The following ACER3 variants were observed in gnomAD, a reference collection of about 807,000 sequenced individuals.
ACER3 encodes alkaline ceramidase 3, also known as alkCDase 3.
ACER3 carries 16 observed loss-of-function variants against 48.9 expected under a neutral mutation model. The observed-to-expected ratio is 0.33, with a 90% CI of 0.22 to 0.50. The LOEUF (loss-of-function observed/expected upper bound fraction) is 0.50, where lower values mean the gene tolerates loss of function less well. ACER3 is among the 20% of genes least tolerant of loss of function. The probability of loss-of-function intolerance (pLI) is 0.98; values close to 1 mark genes in which losing one functional copy is unlikely to be tolerated. For missense variants in ACER3, 227 were observed against 326.0 expected (o/e 0.70, Z 2.34); for synonymous variants, 109 against 107.8 (o/e 1.01, Z -0.07).
At chr11:76,913,960 A>G (rs1036785448) in intron 1 of ACER3, among the ~76,000 whole-genome samples, 23 of 152,316 alleles carry the variant, frequency 1.5e-4, no homozygotes, top group Admixed American at 3.9e-4. Context: ...AGGATTCCCT[A>G]TTTAATAAAT....
intron 3 of ACER3, among the ~76,000 whole-genome samples, chr11:76,973,386 G>C (rs1419204376): frequency 6.6e-6 from 1 of 152,182 alleles, no homozygotes; most frequent in African/African-American, 2.4e-5. Context: ...GCAGTAGCCT[G>C]GTGAGCCTGA....
chr11:76,867,013 G>A (rs552746564), intron 1 of ACER3, among the ~76,000 whole-genome samples: 1 of 152,234 alleles, frequency 6.6e-6, no homozygotes, highest in South Asian at 2.1e-4. Context: ...TCTACCTCTT[G>A]GCTATTGTGA....
intron 2 of ACER3, among the ~76,000 whole-genome samples, chr11:76,944,951 GTCT>G (rs1051104364): frequency 1.3e-5 from 2 of 150,430 alleles, no homozygotes; most frequent in Non-Finnish European, 3.0e-5. Flanking sequence ...CAAAAGACCT[GTCT>G]TCAAGTTCTG....
In ACER3 at chr11:77,020,589, CA is replaced by C. The variant is rs201853621; in HGVS notation, c.*265del. Reference sequence around the variant, plus strand: ...ACAGAGATGATGTGTGTGTATGCCTCAAATGCAGAAACAGTTGGGCTTTTCT... The same window carrying C: ...ACAGAGATGATGTGTGTGTATGCCTCAATGCAGAAACAGTTGGGCTTTTCT... On this transcript the variant is annotated 3_prime_UTR_variant, in exon 11 of 11. Coordinates refer to ENST00000532485, the MANE Select transcript of ACER3 (RefSeq NM_018367.7). The C allele has an allele frequency of 0.029, 11,663 of 395,644 alleles. 229 individuals carry two copies. The highest frequency in any genetic ancestry group is 0.045 in the South Asian group (1,121 of 25,074). The allele number at this position is 395,644 out of a possible 1,614,324, so 24.5% of individuals were successfully genotyped here.
chr11:76,868,383 C>CTGTGTGTGTGTG (rs1336087249), intron 1 of ACER3: 66 of 526,240 alleles, frequency 1.3e-4, no homozygotes, highest in Admixed American at 4.2e-4. Flanking sequence ...ATATCTCTCT[C>CTGTGTGTGTGTG]TCTCTCTCTG....
intron 3 of ACER3, among the ~76,000 whole-genome samples, chr11:76,963,005 T>A (rs1948036802): frequency 6.6e-6 from 1 of 151,440 alleles, no homozygotes; most frequent in Non-Finnish European, 1.5e-5. Context: ...TAGAGCAGCT[T>A]GGAGAAAAAC....
chr11:76,968,202 A>T (rs1336035541), intron 3 of ACER3, among the ~76,000 whole-genome samples: 1 of 151,192 alleles, frequency 6.6e-6, no homozygotes, highest in African/African-American at 2.4e-5. Context: ...ATTGCTTCAA[A>T]GAGAATAAAA....
intron 1 of ACER3, among the ~76,000 whole-genome samples, chr11:76,923,093 C>T (rs1946728381): frequency 6.6e-6 from 1 of 151,712 alleles, no homozygotes; most frequent in African/African-American, 2.4e-5. Flanking sequence ...AGGCAATGTT[C>T]TTTCCCAACC....
chr11:76,884,703 T>C (rs1945628910), intron 1 of ACER3, among the ~76,000 whole-genome samples: 1 of 152,202 alleles, frequency 6.6e-6, no homozygotes, highest in African/African-American at 2.4e-5. Context: ...TGTAATTTAG[T>C]GCAAATATGT....
At chr11:76,918,333 A>G (rs1203305753) in intron 1 of ACER3, among the ~76,000 whole-genome samples, 1 of 151,720 alleles carries the variant, frequency 6.6e-6, no homozygotes, top group Non-Finnish European at 1.5e-5. Context: ...ATATGCATTT[A>G]TATGATGGTT....
intron 1 of ACER3, among the ~76,000 whole-genome samples, chr11:76,900,243 C>T (rs777848407): frequency 4.9e-4 from 74 of 152,138 alleles, no homozygotes; most frequent in Non-Finnish European, 1.0e-3. Context: ...TCATCCTCAT[C>T]ATTTCACATT....
At chr11:76,894,707 G>A (rs561165269) in intron 1 of ACER3, among the ~76,000 whole-genome samples, 65 of 152,322 alleles carry the variant, frequency 4.3e-4, no homozygotes, top group Admixed American at 4.0e-3. Flanking sequence ...TCATGAAAGT[G>A]TATGGAAAAT....
intron 2 of ACER3, among the ~76,000 whole-genome samples, chr11:76,940,961 G>A (rs983534933): frequency 6.6e-6 from 1 of 151,184 alleles, no homozygotes; most frequent in African/African-American, 2.4e-5. Context: ...TTATATTCTT[G>A]TTTGAATTTT....
At chr11:76,930,620 T>C (rs1946971315) in intron 2 of ACER3, among the ~76,000 whole-genome samples, 1 of 152,070 alleles carries the variant, frequency 6.6e-6, no homozygotes, top group Admixed American at 6.5e-5. Flanking sequence ...TACATTTCCC[T>C]CTACACACTA....
rs138936974 is a variant in ACER3 at position 76,974,392 on chromosome 11, T to C, written c.268-1897T>C. 4.6e-3 allele frequency among the ~76,000 whole-genome samples: 702 copies of C among 152,300 alleles called. 4 individuals carry two copies. Among genetic ancestry groups the C allele is most frequent in the Non-Finnish European group, 7.9e-3 (538 of 68,022 alleles). On this transcript the variant is annotated intron_variant, in intron 3 of 10. Transcript: ENST00000532485. ...ATTGTTTCTGGATAAAGATCAGTCT[T>C]AGTACTAAGGTAAGAGCCAACAGTG...
At chr11:76,878,379 C>T (rs1945438483) in intron 1 of ACER3, among the ~76,000 whole-genome samples, 1 of 151,934 alleles carries the variant, frequency 6.6e-6, no homozygotes, top group South Asian at 2.1e-4. Flanking sequence ...ATTGAAGACC[C>T]CAAAGAGCTC....
chr11:76,996,419 TA>T (rs778184018), intron 6 of ACER3, among the ~76,000 whole-genome samples: 5,413 of 151,188 alleles, frequency 0.036, 152 homozygotes, highest in Non-Finnish European at 0.056. Flanking sequence ...TTATTATTAT[TA>T]TTATTATTAT....
At chr11:76,906,221 C>T (rs964632083) in intron 1 of ACER3, among the ~76,000 whole-genome samples, 1 of 152,126 alleles carries the variant, frequency 6.6e-6, no homozygotes, top group Non-Finnish European at 1.5e-5. Flanking sequence ...TGAAAGGCCA[C>T]AAGATTAGGA....
intron 2 of ACER3, among the ~76,000 whole-genome samples, chr11:76,936,050 A>G (rs913533050): frequency 1.3e-5 from 2 of 152,238 alleles, no homozygotes; most frequent in African/African-American, 4.8e-5. Flanking sequence ...TGATAAAGAC[A>G]TACCCAAGAC....
Sources: allele counts gnomAD v4.1 joint callset (sites outside exome capture counted in the v4.1 genomes callset), GRCh38; gene constraint gnomAD v4.1.1; transcripts MANE v1.5; gene names NCBI Gene and HGNC (gene_info 2026-07-23, HGNC 2026-07-21).